The following CSMD1 variants were observed in gnomAD, a reference collection of about 807,000 sequenced individuals.
The protein encoded by CSMD1 is CUB and sushi domain-containing protein 1.
Under a neutral mutation model 417.5 loss-of-function variants are expected in CSMD1, and 213 were observed. The ratio of observed to expected loss-of-function variants is 0.51; its 90% CI spans 0.46 to 0.57. The LOEUF (loss-of-function observed/expected upper bound fraction) is 0.57. Among genes scored for constraint, CSMD1 ranks in the 20% least tolerant of loss-of-function variants. The pLI, the probability that CSMD1 is intolerant of heterozygous loss-of-function variation, is 0.00. For missense variants in CSMD1, 6,923 were observed against 4,529.7 expected, an observed-to-expected ratio of 1.53 and a Z score of -15.17; for synonymous variants, 2,862 against 1,736.8, an observed-to-expected ratio of 1.65 and a Z score of -16.11.
At chr8:3,246,764 G>A (rs367671501) in intron 26 of CSMD1, among the ~76,000 whole-genome samples, 35 of 152,204 alleles carry the variant, frequency 2.3e-4, no homozygotes, top group African/African-American at 8.2e-4. Flanking sequence ...TGAACCACCG[G>A]GCCTGGACTT....
intron 5 of CSMD1, among the ~76,000 whole-genome samples, chr8:3,765,728 G>C (rs764330649): frequency 7.9e-5 from 12 of 152,156 alleles, no homozygotes; most frequent in Non-Finnish European, 1.6e-4. Context: ...CCTTGCAGGT[G>C]GGGGCGCCCA....
chr8:4,592,602 G>T (rs768017380), intron 2 of CSMD1, among the ~76,000 whole-genome samples: 2 of 151,974 alleles, frequency 1.3e-5, no homozygotes, highest in Admixed American at 6.6e-5. Context: ...GGCCAGGCTG[G>T]TCTCAAACTC....
chr8:4,576,011 G>C (rs1465337675), intron 2 of CSMD1, among the ~76,000 whole-genome samples: 1 of 152,082 alleles, frequency 6.6e-6, no homozygotes, highest in African/African-American at 2.4e-5. Context: ...TGATCTCTTG[G>C]GTGGAAAAAT....
At chr8:4,201,991 T>G (rs1166008359) in intron 3 of CSMD1, among the ~76,000 whole-genome samples, 1 of 152,130 alleles carries the variant, frequency 6.6e-6, no homozygotes, top group Non-Finnish European at 1.5e-5. Context: ...TACTTGCATT[T>G]TGATGATTAT....
chr8:3,251,684 T>C (rs1189177821), intron 26 of CSMD1, among the ~76,000 whole-genome samples: 1 of 152,222 alleles, frequency 6.6e-6, no homozygotes, highest in East Asian at 1.9e-4. Flanking sequence ...TATTGATTCT[T>C]CCTACCCATG....
chr8:4,319,738 G>T (rs1480604737), intron 3 of CSMD1, among the ~76,000 whole-genome samples: 1 of 152,066 alleles, frequency 6.6e-6, no homozygotes, highest in Non-Finnish European at 1.5e-5. Flanking sequence ...ACTGAGACTT[G>T]CCGGGGGGCC....
chr8:3,167,996 C>A (rs1820337620), intron 37 of CSMD1, among the ~76,000 whole-genome samples: 1 of 151,154 alleles, frequency 6.6e-6, no homozygotes, highest in South Asian at 2.1e-4. Context: ...TGACCTTGGG[C>A]AATTTTCCTC....
At chr8:4,207,680 T>C (rs1305570450) in intron 3 of CSMD1, among the ~76,000 whole-genome samples, 1 of 152,144 alleles carries the variant, frequency 6.6e-6, no homozygotes. Flanking sequence ...TGCATTCACA[T>C]GTACATTTCA....
In CSMD1 at chr8:4,994,582, C is replaced by G. The variant is rs1448081212; in HGVS notation, c.-166G>C. 9.5e-6 allele frequency: 6 copies of G among 632,780 alleles called. No individual in the cohort carries two copies. Among genetic ancestry groups the G allele is most frequent in the Non-Finnish European group, 1.7e-5 (6 of 354,380 alleles). 39.2% of individuals were successfully genotyped at this position (632,780 alleles called of 1,614,324 possible). A position where few individuals can be genotyped will look rare whatever the true frequency, so the allele number is the denominator to read the frequency against. On this transcript the variant is annotated 5_prime_UTR_variant, in exon 1 of 70. Transcript: ENST00000635120. The stretch of plus-strand genomic sequence containing the variant: ...CTCCTGAAGGTCTGGGCGCCCGGCT[C>G]GCTTCCCTCTCATAGCATCGGGTCC...
chr8:3,489,155 C>T (rs1818224927), intron 11 of CSMD1, among the ~76,000 whole-genome samples: 1 of 152,156 alleles, frequency 6.6e-6, no homozygotes, highest in Non-Finnish European at 1.5e-5. Flanking sequence ...GACTCAGGAT[C>T]AGCAGAAAAC....
chr8:3,488,650 T>A (rs1818193496), intron 11 of CSMD1, among the ~76,000 whole-genome samples: 1 of 152,144 alleles, frequency 6.6e-6, no homozygotes, highest in Non-Finnish European at 1.5e-5. Context: ...AGTCCTAGCA[T>A]AATATTTGGC....
chr8:3,706,249 T>G (rs1168921928), intron 7 of CSMD1, among the ~76,000 whole-genome samples: 1 of 152,234 alleles, frequency 6.6e-6, no homozygotes, highest in African/African-American at 2.4e-5. Context: ...ATGGAAAGGA[T>G]TACTATTTTA....
At chr8:3,873,256 A>T (rs769416262) in intron 5 of CSMD1, among the ~76,000 whole-genome samples, 1 of 152,230 alleles carries the variant, frequency 6.6e-6, no homozygotes, top group African/African-American at 2.4e-5. Flanking sequence ...ATGCAGGTGT[A>T]TGTTCACTGC....
chr8:4,570,717 G>C (rs992821024), intron 2 of CSMD1, among the ~76,000 whole-genome samples: 1 of 152,166 alleles, frequency 6.6e-6, no homozygotes, highest in Non-Finnish European at 1.5e-5. Flanking sequence ...CAGAAGGAAT[G>C]GTACAAGCTC....
At chr8:3,640,759 G>A (rs1448371066) in intron 7 of CSMD1, among the ~76,000 whole-genome samples, 1 of 152,162 alleles carries the variant, frequency 6.6e-6, no homozygotes, top group African/African-American at 2.4e-5. Context: ...TACAGGAAGT[G>A]AGACATTCAC....
chr8:4,453,890 C>G (rs564321128), intron 2 of CSMD1, among the ~76,000 whole-genome samples: 1 of 138,764 alleles, frequency 7.2e-6, no homozygotes, highest in African/African-American at 2.7e-5. Context: ...GGCGCGACCT[C>G]GGCTCACTGC....
At chr8:3,445,589 T>C (rs1815251093) in intron 12 of CSMD1, among the ~76,000 whole-genome samples, 1 of 152,064 alleles carries the variant, frequency 6.6e-6, no homozygotes, top group African/African-American at 2.4e-5. Context: ...AATCAGTGCA[T>C]CACAGACCAC....
chr8:3,770,381 T>C (rs1432843002), intron 5 of CSMD1, among the ~76,000 whole-genome samples: 4 of 151,914 alleles, frequency 2.6e-5, no homozygotes, highest in African/African-American at 9.7e-5. Context: ...ATACAAAAAT[T>C]AGCCAGGCAC....
intron 4 of CSMD1, among the ~76,000 whole-genome samples, chr8:4,008,095 C>A (rs984483095): frequency 6.6e-6 from 1 of 152,204 alleles, no homozygotes; most frequent in South Asian, 2.1e-4. Flanking sequence ...TGTTTTTAAA[C>A]TCACCAGAGC....
Sources: gnomAD v4.1 joint callset for allele counts (sites outside exome capture counted in the v4.1 genomes callset) on GRCh38, gnomAD v4.1.1 for gene constraint, MANE v1.5 for transcripts, NCBI Gene and HGNC (gene_info 2026-07-23, HGNC 2026-07-21) for gene names.